ABCB1: variants seen among roughly 807,000 people sequenced by gnomAD.
ABCB1 encodes ATP binding cassette subfamily B member 1, also known as ATP-dependent translocase ABCB1.
ABCB1 carries 69 observed loss-of-function variants against 142.0 expected under a neutral mutation model. The observed-to-expected ratio is 0.49, with a 90% CI of 0.40 to 0.59. ABCB1 has a LOEUF of 0.59. Ranked by LOEUF, ABCB1 falls within the 20% of genes least tolerant of loss-of-function variation. The pLI is 0.00. For missense variants in ABCB1, 1,326 were observed against 1,554.7 expected (o/e 0.85, Z 2.47); for synonymous variants, 532 against 539.2 (o/e 0.99, Z 0.18).
chr7:87,562,081 T>C (rs1817582278), intron 7 of ABCB1, among the ~76,000 whole-genome samples: 1 of 152,182 alleles, frequency 6.6e-6, no homozygotes, highest in Admixed American at 6.5e-5. Flanking sequence ...CATAGGCACT[T>C]GTGGACTCAT....
chr7:87,652,275 G>A (rs1013669386), intron 1 of ABCB1, among the ~76,000 whole-genome samples: 2 of 151,922 alleles, frequency 1.3e-5, no homozygotes, highest in African/African-American at 2.4e-5. Context: ...ACTATCAATA[G>A]CAAATGAACA....
At chr7:87,621,770 C>T (rs1002435555) in intron 1 of ABCB1, among the ~76,000 whole-genome samples, 1 of 152,064 alleles carries the variant, frequency 6.6e-6, no homozygotes, top group Non-Finnish European at 1.5e-5. Flanking sequence ...TTTTGTATGT[C>T]TGGAGACCTA....
intron 1 of ABCB1, among the ~76,000 whole-genome samples, chr7:87,657,456 C>T (rs902129810): frequency 2.0e-5 from 3 of 152,146 alleles, no homozygotes; most frequent in African/African-American, 7.2e-5. Context: ...GAATGGGAAG[C>T]TTAGAATTCC....
chr7:87,702,168 A>AAAAAAAAAAC (rs1345954938), intron 1 of ABCB1, among the ~76,000 whole-genome samples: 1 of 150,232 alleles, frequency 6.7e-6, no homozygotes, highest in African/African-American at 2.4e-5. Context: ...AAAAAAAAAA[A>AAAAAAAAAAC]AAAACAGAGA....
In ABCB1 at chr7:87,536,594, G is replaced by A. The variant is rs1025498405; in HGVS notation, c.2398-53C>T. On this transcript the variant is annotated intron_variant, in intron 19 of 27. Coordinates refer to ENST00000622132, the MANE Select transcript of ABCB1 (RefSeq NM_001348946.2). ...CTTAAAGCTGTTTATGAGACTCTCA[G>A]CTCCAAGAGGGCAGCGATGGGGTCA... The A allele has an allele frequency of 2.6e-5, 41 of 1,552,998 alleles. No individual in the cohort carries two copies. In the African/African-American group the frequency reaches 5.0e-4, roughly 19 times the overall value.
chr7:87,585,022 A>G (rs1429283818), intron 4 of ABCB1, among the ~76,000 whole-genome samples: 3 of 151,648 alleles, frequency 2.0e-5, no homozygotes, highest in Non-Finnish European at 4.4e-5. Flanking sequence ...AAAGCCCAAC[A>G]TATAACAATG....
At chr7:87,537,827 A>G (rs1816362579) in intron 19 of ABCB1, among the ~76,000 whole-genome samples, 1 of 152,242 alleles carries the variant, frequency 6.6e-6, no homozygotes, top group African/African-American at 2.4e-5. Flanking sequence ...ATGATTGTGA[A>G]TTTGAAGTAT....
At chr7:87,670,177 C>T (rs1825684646) in intron 1 of ABCB1, among the ~76,000 whole-genome samples, 1 of 152,000 alleles carries the variant, frequency 6.6e-6, no homozygotes, top group African/African-American at 2.4e-5. Flanking sequence ...CTTTTTATTC[C>T]TCTTTCATTA....
intron 1 of ABCB1, among the ~76,000 whole-genome samples, chr7:87,686,221 C>G (rs1827443828): frequency 2.6e-5 from 4 of 151,930 alleles, no homozygotes; most frequent in African/African-American, 9.7e-5. Flanking sequence ...AAATTTAGGC[C>G]CTGTGCTGGG....
At chr7:87,683,153 C>G (rs1408544880) in intron 1 of ABCB1, among the ~76,000 whole-genome samples, 1 of 152,164 alleles carries the variant, frequency 6.6e-6, no homozygotes, top group African/African-American at 2.4e-5. Flanking sequence ...GTCTTTGCCT[C>G]TCTCATCCTT....
chr7:87,621,737 G>A (rs1820230559), intron 1 of ABCB1, among the ~76,000 whole-genome samples: 1 of 152,034 alleles, frequency 6.6e-6, no homozygotes, highest in Non-Finnish European at 1.5e-5. Flanking sequence ...ACTGATTTAG[G>A]TAAAATTAAG....
At chr7:87,615,169 C>G (rs1819994579) in intron 1 of ABCB1, among the ~76,000 whole-genome samples, 1 of 152,134 alleles carries the variant, frequency 6.6e-6, no homozygotes, top group Non-Finnish European at 1.5e-5. Flanking sequence ...TGTTTCTTAT[C>G]TCTCCTGCTA....
chr7:87,616,699 A>C (rs774757681), intron 1 of ABCB1, among the ~76,000 whole-genome samples: 1 of 152,216 alleles, frequency 6.6e-6, no homozygotes, highest in Non-Finnish European at 1.5e-5. Flanking sequence ...TATCATTATT[A>C]TCCCAACCTT....
chr7:87,536,584 G>A (rs1816305441), intron 19 of ABCB1, 43 bp from the exon 20 acceptor site: 1 of 1,588,684 alleles, frequency 6.3e-7, no homozygotes, highest in Non-Finnish European at 8.6e-7. Flanking sequence ...AGCTGTTTAT[G>A]AGACTCTCAG....
chr7:87,672,676 G>A (rs550825237), intron 1 of ABCB1, among the ~76,000 whole-genome samples: 1 of 152,292 alleles, frequency 6.6e-6, no homozygotes, highest in East Asian at 1.9e-4. Flanking sequence ...AGCTCTGTCT[G>A]TGAGACCGAA....
chr7:87,530,229 T>A (rs1563036888), intron 21 of ABCB1, among the ~76,000 whole-genome samples: 1 of 152,208 alleles, frequency 6.6e-6, no homozygotes, highest in Non-Finnish European at 1.5e-5. Context: ...CACACATATA[T>A]CCCTGTCCTA....
chr7:87,504,299 G>C lies in ABCB1; in HGVS notation c.3787C>G (p.Gln1263Glu). 1 of 1,614,018 alleles carries C rather than the reference G, an allele frequency of 6.2e-7. No individual in the cohort carries two copies. The highest frequency in any genetic ancestry group is 1.7e-4 in the Middle Eastern group (1 of 5,974). ...EHGTHQQLLA[Q>E]KGIYFSMVSV... ...ACCATTGAAAAATAGATGCCTTTCT[G>C]TGCCAGCAGCTGCTGATGCGTGCCA... is the stretch of plus-strand genomic sequence containing the variant. Residue 1263 changes from glutamine (Q) to glutamate (E), a missense_variant, in exon 28 of 28, where the codon CAG becomes GAG. Transcript: ENST00000622132.
At chr7:87,643,763 G>C (rs1261079462) in intron 1 of ABCB1, among the ~76,000 whole-genome samples, 2 of 152,102 alleles carry the variant, frequency 1.3e-5, no homozygotes, top group Non-Finnish European at 2.9e-5. Flanking sequence ...CTGAGCTCAG[G>C]CAATCTGCCT....
At chr7:87,580,482 C>T (rs1438614607) in intron 4 of ABCB1, among the ~76,000 whole-genome samples, 3 of 152,096 alleles carry the variant, frequency 2.0e-5, no homozygotes, top group African/African-American at 7.2e-5. Flanking sequence ...AGGATCCTTT[C>T]TTTATCCTTG....
Sources: allele counts gnomAD v4.1 joint callset (sites outside exome capture counted in the v4.1 genomes callset), GRCh38; gene constraint gnomAD v4.1.1; transcripts MANE v1.5; gene names NCBI Gene and HGNC (gene_info 2026-07-23, HGNC 2026-07-21).